The following SKIC3 variants were observed in gnomAD, a reference collection of about 807,000 sequenced individuals.
SKIC3 encodes superkiller complex protein 3.
chr5:95,503,067 G>T, the SKIC3 span: 1 of 1,600,570 alleles, frequency 6.2e-7, no homozygotes, highest in South Asian at 1.1e-5. Context: ...TGAAGCATGG[G>T]ATTTTTCCTT....
the SKIC3 span, among the ~76,000 whole-genome samples, chr5:95,501,806 G>C: frequency 6.6e-6 from 1 of 152,036 alleles, no homozygotes; most frequent in African/African-American, 2.4e-5. Context: ...CTTGATAACT[G>C]CAGTAATCAT....
the SKIC3 span, among the ~76,000 whole-genome samples, chr5:95,537,869 T>C: frequency 6.6e-6 from 1 of 152,156 alleles, no homozygotes; most frequent in Non-Finnish European, 1.5e-5. Context: ...TATCTCAAAT[T>C]TTCTTTGGAA....
the SKIC3 span, among the ~76,000 whole-genome samples, chr5:95,533,722 A>C: frequency 6.6e-6 from 1 of 152,210 alleles, no homozygotes; most frequent in Non-Finnish European, 1.5e-5. Flanking sequence ...TTTTTCATTT[A>C]AACCAAGACA....
the SKIC3 span, chr5:95,497,588 C>T: frequency 6.9e-6 from 6 of 865,380 alleles, no homozygotes; most frequent in Non-Finnish European, 1.1e-5. Context: ...TTCTTAATAT[C>T]TAAAACAAGT....
chr5:95,519,678 AG>A, the SKIC3 span, among the ~76,000 whole-genome samples: 1 of 152,086 alleles, frequency 6.6e-6, no homozygotes, highest in Non-Finnish European at 1.5e-5. Flanking sequence ...TAATTGTGAT[AG>A]TATTAACGCC....
the SKIC3 span, chr5:95,478,556 T>C: frequency 3.5e-6 from 5 of 1,438,584 alleles, no homozygotes; most frequent in East Asian, 2.4e-5. Flanking sequence ...TTTTTAGTTA[T>C]TGGTAAGTTC....
At chr5:95,553,779 G>A in the SKIC3 span, among the ~76,000 whole-genome samples, 34 of 152,230 alleles carry the variant, frequency 2.2e-4, no homozygotes, top group East Asian at 1.5e-3. Context: ...GGCTGGTCTC[G>A]AACCCCTAAC....
the SKIC3 span, chr5:95,537,080 T>A: frequency 1.2e-6 from 2 of 1,613,672 alleles, no homozygotes; most frequent in Admixed American, 1.7e-5. Flanking sequence ...ATAAAGTACT[T>A]GGTGATCTTC....
chr5:95,499,174 G>A, the SKIC3 span, among the ~76,000 whole-genome samples: 2 of 152,140 alleles, frequency 1.3e-5, no homozygotes, highest in Admixed American at 6.5e-5. Flanking sequence ...CTGTGTCTCT[G>A]CCCAAATTCC....
chr5:95,487,341 C>T, the SKIC3 span, among the ~76,000 whole-genome samples: 1 of 152,086 alleles, frequency 6.6e-6, no homozygotes, highest in Admixed American at 6.6e-5. Context: ...CTAGGAGAAC[C>T]CTAATACACC....
chr5:95,540,654 T>A, the SKIC3 span: 1 of 1,612,370 alleles, frequency 6.2e-7, no homozygotes, highest in Non-Finnish European at 8.5e-7. Flanking sequence ...ATGATCAATT[T>A]TCATGAACAA....
the SKIC3 span, among the ~76,000 whole-genome samples, chr5:95,486,002 C>T: frequency 6.6e-6 from 1 of 152,130 alleles, no homozygotes; most frequent in Admixed American, 6.5e-5. Flanking sequence ...TACATTCCTA[C>T]CATGGACTCT....
the SKIC3 span, chr5:95,515,019 T>C: frequency 2.5e-6 from 3 of 1,186,884 alleles, no homozygotes; most frequent in South Asian, 2.6e-5. Flanking sequence ...AAACCTCTCA[T>C]CATAAATATG....
the SKIC3 span, among the ~76,000 whole-genome samples, chr5:95,492,074 T>C: frequency 2.0e-5 from 3 of 152,346 alleles, no homozygotes; most frequent in Non-Finnish European, 2.9e-5. Flanking sequence ...TAAAATCTTA[T>C]GCAGATCAAA....
At chr5:95,513,165 A>C in the SKIC3 span, 1 of 190,720 alleles carries the variant, frequency 5.2e-6, no homozygotes, top group Non-Finnish European at 1.1e-5. Flanking sequence ...AAAGAATAAA[A>C]ACAACTGATG....
the SKIC3 span, among the ~76,000 whole-genome samples, chr5:95,544,482 T>C: frequency 6.6e-6 from 1 of 152,202 alleles, no homozygotes; most frequent in African/African-American, 2.4e-5. Flanking sequence ...TCTTCAGACA[T>C]ACAAAAGACC....
the SKIC3 span, among the ~76,000 whole-genome samples, chr5:95,507,514 G>A: frequency 6.6e-6 from 1 of 152,174 alleles, no homozygotes; most frequent in South Asian, 2.1e-4. Context: ...TGCTGACAAC[G>A]TGTATTTCCT....
chr5:95,471,367 A>G, the SKIC3 span, among the ~76,000 whole-genome samples: 3 of 152,206 alleles, frequency 2.0e-5, no homozygotes, highest in Non-Finnish European at 2.9e-5. Context: ...TATACCTGGC[A>G]TATTAAACAA....
the SKIC3 span, chr5:95,512,794 C>T: frequency 4.4e-6 from 3 of 675,716 alleles, no homozygotes; most frequent in Non-Finnish European, 7.3e-6. Flanking sequence ...CAGCGAAGAA[C>T]ATATTGAAAT....
Sources: allele counts gnomAD v4.1 joint callset (sites outside exome capture counted in the v4.1 genomes callset), GRCh38; gene constraint gnomAD v4.1.1; transcripts MANE v1.5; gene names NCBI Gene and HGNC (gene_info 2026-07-23, HGNC 2026-07-21).